Variants in PPP1R9A observed in about 807,000 individuals in gnomAD.
PPP1R9A encodes protein phosphatase 1 regulatory subunit 9A, also known as neurabin-1.
A neutral mutation model predicts 141.9 loss-of-function variants in PPP1R9A; 59 were observed. That is an observed-to-expected ratio of 0.42 (90% confidence interval 0.34 to 0.52). The LOEUF (loss-of-function observed/expected upper bound fraction) is 0.52. Ranked by LOEUF, PPP1R9A falls within the 20% of genes least tolerant of loss-of-function variation. The probability of loss-of-function intolerance (pLI) is 0.10; values close to 1 mark genes in which losing one functional copy is unlikely to be tolerated. For synonymous variants in PPP1R9A, 500 were observed against 569.7 expected (o/e 0.88, Z 1.74); for missense variants, 1,444 against 1,611.9 (o/e 0.90, Z 1.78).
Position 95,169,291 on chromosome 7 carries a change from A to G in PPP1R9A, c.1754+7320A>G, listed in dbSNP as rs554912329. ...TAACTGAAATAAGCCAGACACAGAG[A>G]GACAACTATGACATGTTTTCAGTCC... On this transcript the variant is annotated intron_variant, in intron 5 of 19. Transcript: ENST00000433360. Among the ~76,000 whole-genome samples the G allele has an allele frequency of 3.9e-5, 6 of 152,150 alleles. No homozygotes were observed. The East Asian group carries it at 1.2e-3, about 29-fold the overall frequency.
At chr7:95,119,952 T>A (rs1822234575) in intron 3 of PPP1R9A, among the ~76,000 whole-genome samples, 1 of 111,526 alleles carries the variant, frequency 9.0e-6, no homozygotes, top group Admixed American at 1.3e-4. Context: ...AAATATACTA[T>A]CTTTTTTTTT....
At chr7:95,288,431 AAAC>A (rs1358085011) in intron 18 of PPP1R9A, 102 bp from the exon 19 acceptor site, 25 of 1,460,488 alleles carry the variant, frequency 1.7e-5, no homozygotes, top group Admixed American at 5.3e-5. Context: ...ATTTTGGTTT[AAAC>A]ATAAATGTGG....
At chr7:95,233,196 A>T (rs569692601) in intron 8 of PPP1R9A, among the ~76,000 whole-genome samples, 10 of 152,250 alleles carry the variant, frequency 6.6e-5, no homozygotes, top group Non-Finnish European at 1.2e-4. Context: ...GTCATAAAAA[A>T]GGATGACTTA....
Position 94,912,128 on chromosome 7 carries a change from T to G in PPP1R9A, c.1395+620T>G, listed in dbSNP as rs182085769. 3.1e-3 allele frequency among the ~76,000 whole-genome samples: 468 copies of G among 152,350 alleles called. 4 individuals are homozygous for G. The highest frequency in any genetic ancestry group is 0.011 in the African/African-American group (446 of 41,574). ...CTGTAAACAGTCTGAGTTCAAAATTTGTTACATAGCTTTAAAATGAATTTT... is the reference window on the plus strand; with the variant it reads ...CTGTAAACAGTCTGAGTTCAAAATTGGTTACATAGCTTTAAAATGAATTTT... On this transcript the variant is annotated intron_variant, in intron 2 of 19. Coordinates refer to ENST00000433360, the MANE Select transcript of PPP1R9A (RefSeq NM_001166160.2).
At position 95,269,429 on chromosome 7, in the gene PPP1R9A, A is replaced by G. The variant is rs752724047; in HGVS notation, c.3046A>G (p.Thr1016Ala). The G allele has an allele frequency of 2.7e-5, 43 of 1,593,836 alleles. No homozygotes were observed. The African/African-American group carries it at 5.6e-4, about 21-fold the overall frequency. ...GTGGGGAGACACTTCACTGTTTTCT[A>G]CTTCAAAGTCTGATCATGATGTGGA... Reference protein sequence around the residue: ...SMWGDTSLFSTSKSDHDVEES... With the variant: ...SMWGDTSLFSASKSDHDVEES... The change falls in exon 14 of 20, where the codon ACT (threonine) becomes GCT (alanine). Residue 1016 changes from threonine (T) to alanine (A), a missense_variant. Around this residue, in one of 5 missense-constraint regions of PPP1R9A, gnomAD observed 459 missense variants for 513.8 expected, o/e 0.89. Transcript: ENST00000433360.
intron 4 of PPP1R9A, among the ~76,000 whole-genome samples, chr7:95,129,841 T>C (rs1824262549): frequency 6.6e-6 from 1 of 152,112 alleles, no homozygotes; most frequent in Admixed American, 6.5e-5. Context: ...CTGTGGAACT[T>C]TGAACGTGAG....
At chr7:94,982,899 A>T (rs1219727840) in intron 2 of PPP1R9A, among the ~76,000 whole-genome samples, 4 of 152,154 alleles carry the variant, frequency 2.6e-5, no homozygotes. Flanking sequence ...GCCCATGCTT[A>T]TGTCCTGAAT....
chr7:95,111,350 G>A lies in PPP1R9A; in HGVS notation c.1487G>A (p.Arg496His), dbSNP rs201822608. 8.7e-6 allele frequency: 14 copies of A among 1,613,696 alleles called. No homozygotes were observed. The highest frequency in any genetic ancestry group is 1.7e-5 in the Admixed American group (1 of 59,974). ...TCAGCTGAGTATGAACTTGAAAAAC[G>A]TGTAGAAAAGCTGGAACTTTTCCCA... is the stretch of plus-strand genomic sequence containing the variant. Reference protein sequence around the residue: ...AASAEYELEKRVEKLELFPVE... With the variant: ...AASAEYELEKHVEKLELFPVE... Residue 496 changes from arginine (R) to histidine (H), a missense_variant, in exon 3 of 20, where the codon CGT becomes CAT. Coordinates refer to ENST00000433360, the MANE Select transcript of PPP1R9A (RefSeq NM_001166160.2).
At chr7:95,041,786 A>C (rs572157933) in intron 2 of PPP1R9A, among the ~76,000 whole-genome samples, 3 of 152,044 alleles carry the variant, frequency 2.0e-5, no homozygotes, top group Non-Finnish European at 4.4e-5. Flanking sequence ...CATTATTACT[A>C]TACATTATTT....
At chr7:95,162,358 C>T (rs1830581002) in intron 5 of PPP1R9A, among the ~76,000 whole-genome samples, 1 of 152,058 alleles carries the variant, frequency 6.6e-6, no homozygotes, top group African/African-American at 2.4e-5. Context: ...TTTAGACAAT[C>T]AGGTTGAATA....
chr7:95,096,571 G>T (rs1395346632), intron 2 of PPP1R9A, among the ~76,000 whole-genome samples: 1 of 152,106 alleles, frequency 6.6e-6, no homozygotes, highest in Non-Finnish European at 1.5e-5. Context: ...TTTAGTGCTG[G>T]TTCTCTCTAA....
chr7:95,273,134 GGGTCCCCATTCCC>G (rs1369241550), intron 14 of PPP1R9A, among the ~76,000 whole-genome samples: 1 of 152,094 alleles, frequency 6.6e-6, no homozygotes, highest in Non-Finnish European at 1.5e-5. Context: ...ATCATTTCGA[GGGTCCCCATTCCC>G]CAGCAGCTGC....
intron 2 of PPP1R9A, among the ~76,000 whole-genome samples, chr7:94,987,715 A>G (rs773593434): frequency 6.6e-6 from 1 of 152,156 alleles, no homozygotes; most frequent in East Asian, 1.9e-4. Flanking sequence ...TTTGTACACT[A>G]TTATGTATGA....
intron 8 of PPP1R9A, among the ~76,000 whole-genome samples, chr7:95,237,151 A>G (rs746884019): frequency 3.6e-4 from 52 of 145,818 alleles, no homozygotes; most frequent in Middle Eastern, 3.5e-3. Flanking sequence ...TGTGAAGTTT[A>G]TGTGTGTGTA....
chr7:95,197,873 TC>T (rs79923319), intron 5 of PPP1R9A, among the ~76,000 whole-genome samples: 7,672 of 152,224 alleles, frequency 0.05, 485 homozygotes, highest in East Asian at 0.35. Context: ...GCTCTCGAAC[TC>T]CGGGCCTCAG....
chr7:95,166,818 T>G (rs1831336289), intron 5 of PPP1R9A, among the ~76,000 whole-genome samples: 1 of 152,168 alleles, frequency 6.6e-6, no homozygotes, highest in Non-Finnish European at 1.5e-5. Flanking sequence ...TACACCATGA[T>G]TAAGTGGGAT....
At chr7:95,066,685 A>T (rs934174852) in intron 2 of PPP1R9A, among the ~76,000 whole-genome samples, 1 of 152,164 alleles carries the variant, frequency 6.6e-6, no homozygotes. Flanking sequence ...GATATGGAGA[A>T]TAGGAGAGAA....
At chr7:95,170,688 C>G (rs914070484) in intron 5 of PPP1R9A, among the ~76,000 whole-genome samples, 1 of 151,478 alleles carries the variant, frequency 6.6e-6, no homozygotes, top group Middle Eastern at 3.4e-3. Context: ...TAAAAGAATT[C>G]ATTACCTGGA....
intron 2 of PPP1R9A, among the ~76,000 whole-genome samples, chr7:94,933,314 T>A (rs1211649456): frequency 6.6e-6 from 1 of 152,140 alleles, no homozygotes; most frequent in African/African-American, 2.4e-5. Flanking sequence ...AAGTCAGAAA[T>A]ACAACCAAGG....
Sources: gnomAD v4.1 joint callset for allele counts (sites outside exome capture counted in the v4.1 genomes callset) on GRCh38, gnomAD v4.1.1 for gene constraint, gnomAD v4.1.1 regional missense constraint, MANE v1.5 for transcripts, NCBI Gene and HGNC (gene_info 2026-07-23, HGNC 2026-07-21) for gene names.